Variants in KCNAB1 observed in about 807,000 individuals in gnomAD.
KCNAB1 encodes potassium voltage-gated channel subfamily A regulatory beta subunit 1.
Under a neutral mutation model 64.6 loss-of-function variants are expected in KCNAB1, and 35 were observed. The ratio of observed to expected loss-of-function variants is 0.54; its 90% CI spans 0.41 to 0.72. The LOEUF (loss-of-function observed/expected upper bound fraction) is 0.72. KCNAB1 is among the 30% of genes least tolerant of loss of function. The probability of loss-of-function intolerance (pLI) is 0.00; values close to 1 mark genes in which losing one functional copy is unlikely to be tolerated. For missense variants in KCNAB1, 401 were observed against 512.9 expected (o/e 0.78, Z 2.11); for synonymous variants, 177 against 183.8 (o/e 0.96, Z 0.30).
intron 1 of KCNAB1, among the ~76,000 whole-genome samples, chr3:156,226,333 C>T (rs1716164323): frequency 2.6e-5 from 4 of 152,074 alleles, no homozygotes; most frequent in African/African-American, 4.8e-5. Flanking sequence ...ACTCAACAAA[C>T]GGTGCTGGGA....
intron 1 of KCNAB1, among the ~76,000 whole-genome samples, chr3:156,175,605 G>A (rs548572406): frequency 6.6e-6 from 1 of 152,324 alleles, no homozygotes; most frequent in South Asian, 2.1e-4. Context: ...GTGATAGAGC[G>A]AGACTCTGTC....
intron 1 of KCNAB1, among the ~76,000 whole-genome samples, chr3:156,268,244 G>A (rs189077009): frequency 6.1e-4 from 93 of 152,056 alleles, no homozygotes; most frequent in Non-Finnish European, 1.1e-3. Context: ...TTGTGTATGC[G>A]TGCCACATTT....
intron 1 of KCNAB1, among the ~76,000 whole-genome samples, chr3:156,256,841 A>G (rs66901908): frequency 0.13 from 20,103 of 152,088 alleles, 1,481 homozygotes; most frequent in African/African-American, 0.15. Flanking sequence ...AGGAGATTGG[A>G]GGAAGGTAGG....
intron 2 of KCNAB1, among the ~76,000 whole-genome samples, chr3:156,447,232 C>T (rs1327453443): frequency 1.3e-5 from 2 of 152,148 alleles, no homozygotes; most frequent in African/African-American, 4.8e-5. Context: ...AATTGATTCT[C>T]TAACATTCAT....
chr3:156,181,436 G>C (rs980727328), intron 1 of KCNAB1, among the ~76,000 whole-genome samples: 2 of 152,212 alleles, frequency 1.3e-5, no homozygotes, highest in African/African-American at 4.8e-5. Flanking sequence ...GTGGGCACTG[G>C]AGTGATTTGA....
At chr3:156,163,685 A>C (rs1014268801) in intron 1 of KCNAB1, among the ~76,000 whole-genome samples, 1 of 152,244 alleles carries the variant, frequency 6.6e-6, no homozygotes, top group Non-Finnish European at 1.5e-5. Context: ...CACCAGCTGA[A>C]TCTTACGATA....
intron 1 of KCNAB1, among the ~76,000 whole-genome samples, chr3:156,260,188 A>T (rs1308907915): frequency 2.0e-5 from 3 of 152,160 alleles, no homozygotes; most frequent in Admixed American, 1.3e-4. Context: ...TCTGACGTGT[A>T]AAGGAAATCT....
intron 2 of KCNAB1, among the ~76,000 whole-genome samples, chr3:156,437,841 C>T (rs1012186855): frequency 6.6e-6 from 1 of 152,314 alleles, no homozygotes; most frequent in South Asian, 2.1e-4. Flanking sequence ...CTTCAACCTT[C>T]CAAATTTTTC....
chr3:156,306,267 T>C (rs1356010400), intron 1 of KCNAB1, among the ~76,000 whole-genome samples: 1 of 152,178 alleles, frequency 6.6e-6, no homozygotes, highest in East Asian at 1.9e-4. Context: ...ACTCTGGCCT[T>C]TTCTCAAGGG....
Position 156,265,735 on chromosome 3 carries a change from C to G in KCNAB1, c.275+144849C>G, listed in dbSNP as rs139309479. 3.3e-3 allele frequency among the ~76,000 whole-genome samples: 501 copies of G among 152,316 alleles called. 2 individuals carry two copies. The highest frequency in any genetic ancestry group is 6.8e-3 in the Middle Eastern group (2 of 294). ...TGAGGCCGGGTGCAGTGGCTCATGC[C>G]TGTAATCCCAGCACTTTGGGAGTCC... is the stretch of plus-strand genomic sequence containing the variant. On this transcript the variant is annotated intron_variant, in intron 1 of 13. Transcript: ENST00000490337.
intron 1 of KCNAB1, among the ~76,000 whole-genome samples, chr3:156,219,477 C>G (rs1197248098): frequency 5.3e-5 from 8 of 150,492 alleles, no homozygotes; most frequent in Admixed American, 6.6e-5. Context: ...ATGTCCAAAC[C>G]TAAGAATAAT....
chr3:156,437,616 AT>A (rs950043388), intron 2 of KCNAB1, among the ~76,000 whole-genome samples: 4 of 151,320 alleles, frequency 2.6e-5, no homozygotes, highest in African/African-American at 4.9e-5. Context: ...TGCTGATATT[AT>A]TTTTTTTTAT....
chr3:156,525,355 T>C (rs1455661363), intron 12 of KCNAB1, among the ~76,000 whole-genome samples: 1 of 151,216 alleles, frequency 6.6e-6, no homozygotes, highest in Non-Finnish European at 1.5e-5. Flanking sequence ...GTCTGTGTCT[T>C]AGTTTTTAAC....
intron 11 of KCNAB1, among the ~76,000 whole-genome samples, chr3:156,519,521 C>A (rs1302110944): frequency 6.6e-6 from 1 of 152,184 alleles, no homozygotes; most frequent in Admixed American, 6.5e-5. Context: ...CAAAACTGAG[C>A]TATTTGTACC....
intron 1 of KCNAB1, among the ~76,000 whole-genome samples, chr3:156,390,727 C>A (rs921644891): frequency 6.6e-6 from 1 of 151,772 alleles, no homozygotes; most frequent in South Asian, 2.1e-4. Flanking sequence ...GGACTACAGG[C>A]GCCTGCTACC....
chr3:156,462,656 G>A (rs1713010273), intron 5 of KCNAB1, among the ~76,000 whole-genome samples: 1 of 152,148 alleles, frequency 6.6e-6, no homozygotes, highest in Admixed American at 6.5e-5. Flanking sequence ...TTCCCCATTG[G>A]TTATCATTAA....
At position 156,475,958 on chromosome 3, in the gene KCNAB1, C is replaced by T. The variant is rs551060282; in HGVS notation, c.658+1138C>T. Among the ~76,000 whole-genome samples the T allele has an allele frequency of 1.6e-3, 245 of 152,060 alleles. 8 individuals carry two copies. In the South Asian group the frequency reaches 0.049, roughly 31 times the overall value. ...CTACAGTTTTCTTCTTTCTTGAATC[C>T]GGGTAAAATTAGGAGTTTATTATAA... is the stretch of plus-strand genomic sequence containing the variant. On this transcript the variant is annotated intron_variant, in intron 8 of 13. Coordinates refer to ENST00000490337, the MANE Select transcript of KCNAB1 (RefSeq NM_172160.3).
intron 1 of KCNAB1, among the ~76,000 whole-genome samples, chr3:156,218,902 G>A (rs1159543408): frequency 7.3e-5 from 11 of 151,498 alleles, no homozygotes; most frequent in African/African-American, 2.2e-4. Flanking sequence ...CATTCCTAGG[G>A]GAAGGGGGAG....
intron 1 of KCNAB1, among the ~76,000 whole-genome samples, chr3:156,294,292 A>G (rs1228440715): frequency 6.6e-6 from 1 of 152,168 alleles, no homozygotes; most frequent in African/African-American, 2.4e-5. Flanking sequence ...GTTGTTTCTT[A>G]AGGTAACTAA....
Sources: allele counts gnomAD v4.1 joint callset (sites outside exome capture counted in the v4.1 genomes callset), GRCh38; gene constraint gnomAD v4.1.1; transcripts MANE v1.5; gene names NCBI Gene and HGNC (gene_info 2026-07-23, HGNC 2026-07-21).